The following KLHL29 variants were observed in gnomAD, a reference collection of about 807,000 sequenced individuals.
KLHL29 encodes kelch like family member 29, also known as kelch-like protein 29.
In KLHL29, 21 loss-of-function variants were observed where a neutral mutation model predicts 80.4. That is an observed-to-expected ratio of 0.26 (90% CI 0.19 to 0.38). The LOEUF is 0.38. Among genes scored for constraint, KLHL29 ranks in the 10% least tolerant of loss-of-function variants. The probability of loss-of-function intolerance (pLI) is 1.00; values close to 1 mark genes in which losing one functional copy is unlikely to be tolerated. For synonymous variants in KLHL29, 511 were observed against 526.8 expected (o/e 0.97, Z 0.41); for missense variants, 867 against 1,223.9 (o/e 0.71, Z 4.35).
intron 1 of KLHL29, among the ~76,000 whole-genome samples, chr2:23,389,010 A>T (rs6744862): frequency 0.37 from 17,114 of 46,812 alleles, 2,313 homozygotes; most frequent in African/African-American, 0.49. Flanking sequence ...TTTTTTTTTT[A>T]AAATCCCAGT....
At chr2:23,436,810 A>G (rs530547065) in intron 1 of KLHL29, among the ~76,000 whole-genome samples, 1 of 152,206 alleles carries the variant, frequency 6.6e-6, no homozygotes, top group Non-Finnish European at 1.5e-5. Context: ...TCATGCCCAT[A>G]GCTATAAATT....
intron 1 of KLHL29, among the ~76,000 whole-genome samples, chr2:23,439,489 C>G (rs1352793701): frequency 6.7e-6 from 1 of 149,438 alleles, no homozygotes; most frequent in Non-Finnish European, 1.5e-5. Context: ...TGAATGTGTC[C>G]CAGAGATTCT....
chr2:23,402,170 G>A (rs1467137889), intron 1 of KLHL29, among the ~76,000 whole-genome samples: 1 of 152,180 alleles, frequency 6.6e-6, no homozygotes, highest in Non-Finnish European at 1.5e-5. Flanking sequence ...GGGGATGGGA[G>A]GGCCGTCTGG....
At chr2:23,537,817 C>T (rs1666718483) in intron 2 of KLHL29, among the ~76,000 whole-genome samples, 1 of 152,124 alleles carries the variant, frequency 6.6e-6, no homozygotes, top group Admixed American at 6.5e-5. Context: ...GCTGGGTTCT[C>T]AAGGAGCTCA....
chr2:23,509,041 G>A (rs1317639327), intron 2 of KLHL29, among the ~76,000 whole-genome samples: 3 of 152,180 alleles, frequency 2.0e-5, no homozygotes, highest in Non-Finnish European at 4.4e-5. Context: ...GAATCAAATG[G>A]GTTACTGCTT....
At chr2:23,643,013 C>T (rs1224730886) in intron 5 of KLHL29, 163 bp downstream of exon 5, 1 of 848,758 alleles carries the variant, frequency 1.2e-6, no homozygotes, top group Non-Finnish European at 2.0e-6. Context: ...GACAACTGGC[C>T]TGAGATGGGG....
chr2:23,449,912 C>A (rs1413613217), intron 1 of KLHL29, among the ~76,000 whole-genome samples: 2 of 152,186 alleles, frequency 1.3e-5, no homozygotes, highest in Non-Finnish European at 2.9e-5. Context: ...GAGGCTCTGC[C>A]TAAATGAAAT....
At chr2:23,524,707 A>G (rs1194860412) in intron 2 of KLHL29, among the ~76,000 whole-genome samples, 1 of 152,216 alleles carries the variant, frequency 6.6e-6, no homozygotes, top group Non-Finnish European at 1.5e-5. Context: ...AGTGCTGTGC[A>G]TGTGTCCCTC....
chr2:23,412,901 C>G (rs1160174662), intron 1 of KLHL29, among the ~76,000 whole-genome samples: 2 of 152,208 alleles, frequency 1.3e-5, no homozygotes, highest in Non-Finnish European at 2.9e-5. Context: ...TTCTGTTTGA[C>G]TGCTTCCAAG....
intron 1 of KLHL29, among the ~76,000 whole-genome samples, chr2:23,396,248 C>T (rs565938026): frequency 3.9e-5 from 6 of 152,278 alleles, no homozygotes; most frequent in South Asian, 2.1e-4. Context: ...GCATCCCCTG[C>T]GTTTAGGTGC....
intron 3 of KLHL29, among the ~76,000 whole-genome samples, chr2:23,612,483 G>A (rs1668893684): frequency 6.6e-6 from 1 of 152,200 alleles, no homozygotes; most frequent in Admixed American, 6.5e-5. Context: ...GGTGGTTCAT[G>A]CCTGTAATCC....
intron 3 of KLHL29, among the ~76,000 whole-genome samples, chr2:23,610,397 A>G (rs753124406): frequency 6.6e-6 from 1 of 152,196 alleles, no homozygotes. Context: ...GAGAAGTTTC[A>G]TGGACATTTT....
At chr2:23,645,925 G>T (rs1188437893) in intron 5 of KLHL29, among the ~76,000 whole-genome samples, 1 of 152,184 alleles carries the variant, frequency 6.6e-6, no homozygotes, top group Non-Finnish European at 1.5e-5. Context: ...GCCAGCTTGT[G>T]TGCCATTCAC....
At chr2:23,607,860 G>A (rs1052802003) in intron 3 of KLHL29, among the ~76,000 whole-genome samples, 1 of 152,192 alleles carries the variant, frequency 6.6e-6, no homozygotes, top group African/African-American at 2.4e-5. Context: ...TTCCACAAAA[G>A]TGGTCCCTGC....
intron 1 of KLHL29, among the ~76,000 whole-genome samples, chr2:23,458,242 T>C (rs1179537951): frequency 1.3e-5 from 2 of 152,206 alleles, no homozygotes; most frequent in Admixed American, 6.5e-5. Context: ...CACATTTGTA[T>C]TGAATGTCTG....
In KLHL29 at chr2:23,549,254, C is replaced by T. The variant is rs372445104; in HGVS notation, c.-45-12898C>T. Among the ~76,000 whole-genome samples the T allele has an allele frequency of 7.9e-5, 12 of 152,296 alleles. No homozygotes were observed. The East Asian group carries it at 1.7e-3, about 22-fold the overall frequency. On this transcript the variant is annotated intron_variant, in intron 2 of 13. Transcript: ENST00000486442. ...TGCCCAGCGGGGGTGGAAGTGGCAG[C>T]CTGGAAGCAAAGTATCCCTGCTTGG...
In KLHL29 at chr2:23,682,764, G is replaced by A. The variant is rs139915409; in HGVS notation, c.941-1635G>A. The stretch of plus-strand genomic sequence containing the variant: ...CTGTAGCTCCCACCCCCCTTGCTCC[G>A]GGTCTGAGCTCACCCCACGTAGATC... On this transcript the variant is annotated intron_variant, in intron 5 of 13. Coordinates refer to ENST00000486442, the MANE Select transcript of KLHL29 (RefSeq NM_052920.2). This position sits in a 1 kb window ranked among gnomAD's most constrained non-coding sequence, Gnocchi z 4.1. 3.3e-5 allele frequency among the ~76,000 whole-genome samples: 5 copies of A among 151,650 alleles called. No homozygotes were observed. The highest frequency in any genetic ancestry group is 7.3e-5 in the African/African-American group (3 of 41,274).
At chr2:23,600,779 A>C (rs1668550244) in intron 3 of KLHL29, among the ~76,000 whole-genome samples, 1 of 152,200 alleles carries the variant, frequency 6.6e-6, no homozygotes, top group South Asian at 2.1e-4. Context: ...GCTCCCACAG[A>C]GTCCTCTCTG....
In KLHL29 at chr2:23,691,689, C is replaced by A; in HGVS notation, c.1095C>A (p.Ser365Arg). Residue 365 changes from serine to arginine, a missense_variant, in exon 7 of 14, where the codon AGC (serine) becomes AGA (arginine). By Grantham distance (110) the Ser-to-Arg change is moderately radical. Around this residue, in one of 2 missense-constraint regions of KLHL29, gnomAD observed 443 missense variants for 767.0 expected, o/e 0.58. Transcript: ENST00000486442. Reference sequence around the variant, plus strand: ...CTGTGCCTAGGTCCGTGCAAGACAGCGGCCAGGGCGGCCGGGAGAAGCTGG... The same window carrying A: ...CTGTGCCTAGGTCCGTGCAAGACAGAGGCCAGGGCGGCCGGGAGAAGCTGG... ...KDLIQRSVQD[S>R]GQGGREKLEL... 6.4e-7 allele frequency: 1 copy of A among 1,551,656 alleles called. No homozygotes were observed.
Sources: allele counts gnomAD v4.1 joint callset (sites outside exome capture counted in the v4.1 genomes callset), GRCh38; gene constraint gnomAD v4.1.1; regional missense constraint gnomAD v4.1.1; non-coding constraint Gnocchi (gnomAD v3.1); transcripts MANE v1.5; gene names NCBI Gene and HGNC (gene_info 2026-07-23, HGNC 2026-07-21).